EPHB2: variants seen among roughly 807,000 people sequenced by gnomAD.
EPHB2 encodes ephrin type-B receptor 2.
A neutral mutation model predicts 96.4 loss-of-function variants in EPHB2; 18 were observed. The ratio of observed to expected loss-of-function variants is 0.19; its 90% CI spans 0.13 to 0.28. EPHB2 has a LOEUF of 0.28. EPHB2 is among the 10% of genes least tolerant of loss of function. The probability of loss-of-function intolerance (pLI) is 1.00; values close to 1 mark genes in which losing one functional copy is unlikely to be tolerated. For missense variants in EPHB2, 989 were observed against 1,355.4 expected (o/e 0.73, Z 4.25); for synonymous variants, 506 against 534.1 (o/e 0.95, Z 0.72).
chr1:22,725,993 T>G (rs1643572780), intron 1 of EPHB2, among the ~76,000 whole-genome samples: 1 of 152,240 alleles, frequency 6.6e-6, no homozygotes, highest in Non-Finnish European at 1.5e-5. Context: ...CAGACTGATC[T>G]GTTTCTGTTC....
Position 22,913,577 on chromosome 1 carries a change from C to T in EPHB2, c.*7C>T. On this transcript the variant is annotated 3_prime_UTR_variant, in exon 16 of 16. Coordinates refer to ENST00000374630, the MANE Select transcript of EPHB2 (RefSeq NM_017449.5). This position sits in a 1 kb window ranked among gnomAD's most constrained non-coding sequence, Gnocchi z 4.1. ...TCAGTCTGTGGAGGTTTGACATTCA[C>T]CTGCCTCGGCTCACCTCTTCCTCCA... 1 of 1,614,100 alleles carries T rather than the reference C, an allele frequency of 6.2e-7. No individual in the cohort carries two copies.
chr1:22,745,210 A>G (rs1286931506), intron 1 of EPHB2, among the ~76,000 whole-genome samples: 1 of 152,268 alleles, frequency 6.6e-6, no homozygotes, highest in African/African-American at 2.4e-5. Flanking sequence ...AAGAATGAGC[A>G]AATAAATTGT....
intron 3 of EPHB2, among the ~76,000 whole-genome samples, chr1:22,848,491 C>T (rs1260805147): frequency 6.6e-6 from 1 of 152,236 alleles, no homozygotes; most frequent in African/African-American, 2.4e-5. Flanking sequence ...CTCTTACAGC[C>T]TACAATCACA....
chr1:22,883,576 G>A (rs1219760135), intron 6 of EPHB2, among the ~76,000 whole-genome samples: 1 of 152,246 alleles, frequency 6.6e-6, no homozygotes, highest in Non-Finnish European at 1.5e-5. Context: ...ACGGGGAACT[G>A]CAGATGGATG....
intron 1 of EPHB2, among the ~76,000 whole-genome samples, chr1:22,724,729 C>G (rs1310068480): frequency 6.6e-6 from 1 of 152,148 alleles, no homozygotes; most frequent in Non-Finnish European, 1.5e-5. Context: ...CAGCTTCCCA[C>G]CCAGCTGCCG....
chr1:22,812,062 C>T (rs1003289595), intron 3 of EPHB2, among the ~76,000 whole-genome samples: 3 of 152,216 alleles, frequency 2.0e-5, no homozygotes, highest in African/African-American at 7.2e-5. Context: ...AAAACCCCAG[C>T]CACAGCCCTG....
chr1:22,789,537 G>A (rs1644661757), intron 3 of EPHB2, among the ~76,000 whole-genome samples: 1 of 152,170 alleles, frequency 6.6e-6, no homozygotes, highest in Non-Finnish European at 1.5e-5. Context: ...AGGGGCCTGG[G>A]GAAGCCAACC....
intron 5 of EPHB2, among the ~76,000 whole-genome samples, chr1:22,873,279 G>A (rs77869433): frequency 0.02 from 3,100 of 152,262 alleles, 56 homozygotes; most frequent in Middle Eastern, 0.048. Context: ...CACGTTTGGG[G>A]GTTGACTGCT....
At chr1:22,896,008 C>T (rs904049196) in intron 8 of EPHB2, among the ~76,000 whole-genome samples, 8 of 152,178 alleles carry the variant, frequency 5.3e-5, no homozygotes, top group African/African-American at 1.9e-4. Flanking sequence ...TAGGACGGTA[C>T]AAGCAAAGGC....
At chr1:22,856,811 A>C (rs1465148970) in intron 3 of EPHB2, among the ~76,000 whole-genome samples, 1 of 152,204 alleles carries the variant, frequency 6.6e-6, no homozygotes, top group East Asian at 1.9e-4. Context: ...ACCTAATGGA[A>C]TTATTTTTGT....
At position 22,782,287 on chromosome 1, in the gene EPHB2, G is replaced by T. The variant is rs146048883; in HGVS notation, c.126+802G>T. Among the ~76,000 whole-genome samples the T allele has an allele frequency of 5.8e-4, 89 of 152,316 alleles. 2 individuals carry two copies. The highest frequency in any genetic ancestry group is 2.0e-3 in the African/African-American group (85 of 41,554). On this transcript the variant is annotated intron_variant, in intron 2 of 15. Transcript: ENST00000374630. ...AGTGTCTAACACAATGCCTGGCATA[G>T]ATTGGGCTCCCAGTCAAGAGTAGCT...
chr1:22,795,751 A>G (rs1454668707), intron 3 of EPHB2, among the ~76,000 whole-genome samples: 1 of 152,174 alleles, frequency 6.6e-6, no homozygotes, highest in Non-Finnish European at 1.5e-5. Context: ...AGCGTCCCAT[A>G]TACTTTGTCA....
At position 22,906,211 on chromosome 1, in the gene EPHB2, G is replaced by T; in HGVS notation, c.1888+102G>T. On this transcript the variant is annotated intron_variant, in intron 10 of 15. Coordinates refer to ENST00000374630, the MANE Select transcript of EPHB2 (RefSeq NM_017449.5). The surrounding 1 kb of genome is among the most constrained non-coding windows in gnomAD (Gnocchi z 4.8). Reference sequence around the variant, plus strand: ...GCAGAAGGTAGGATGTGGGACAGGCGCCTCAAAGGACCCCCCAAGGCCTGA... The same window carrying T: ...GCAGAAGGTAGGATGTGGGACAGGCTCCTCAAAGGACCCCCCAAGGCCTGA... 6.4e-7 allele frequency: 1 copy of T among 1,564,130 alleles called. No individual in the cohort carries two copies. Among genetic ancestry groups the T allele is most frequent in the Non-Finnish European group, 8.7e-7 (1 of 1,147,954 alleles).
chr1:22,894,180 TC>T (rs1362562020), intron 7 of EPHB2, among the ~76,000 whole-genome samples: 1 of 152,184 alleles, frequency 6.6e-6, no homozygotes, highest in Non-Finnish European at 1.5e-5. Flanking sequence ...TGTCCCAAGA[TC>T]CTTTTATTAA....
At chr1:22,829,150 T>TA (rs1432834144) in intron 3 of EPHB2, among the ~76,000 whole-genome samples, 1 of 152,240 alleles carries the variant, frequency 6.6e-6, no homozygotes, top group Non-Finnish European at 1.5e-5. Context: ...ACTGACTGAC[T>TA]CGTTACTCCT....
chr1:22,891,040 C>G, intron 6 of EPHB2: 1 of 455,882 alleles, frequency 2.2e-6, no homozygotes, highest in South Asian at 1.5e-5. Context: ...TGTGCTTACC[C>G]TATCAGTGTG....
intron 3 of EPHB2, among the ~76,000 whole-genome samples, chr1:22,795,740 C>T (rs982530403): frequency 3.9e-5 from 6 of 152,154 alleles, no homozygotes; most frequent in Non-Finnish European, 5.9e-5. Flanking sequence ...ATGACTTTCT[C>T]AGCGTCCCAT....
intron 3 of EPHB2, among the ~76,000 whole-genome samples, chr1:22,815,870 C>T (rs1457446825): frequency 6.6e-6 from 1 of 152,166 alleles, no homozygotes; most frequent in Non-Finnish European, 1.5e-5. Flanking sequence ...GCTGTCTAAG[C>T]TCCCAGTTTT....
At chr1:22,861,108 A>G (rs1433106616) in intron 3 of EPHB2, among the ~76,000 whole-genome samples, 2 of 152,260 alleles carry the variant, frequency 1.3e-5, no homozygotes, top group Non-Finnish European at 2.9e-5. Context: ...AGGAACTGTT[A>G]CAAGTGTTTT....
Sources: gnomAD v4.1 joint callset for allele counts (sites outside exome capture counted in the v4.1 genomes callset) on GRCh38, gnomAD v4.1.1 for gene constraint, Gnocchi (gnomAD v3.1) non-coding constraint, MANE v1.5 for transcripts, NCBI Gene and HGNC (gene_info 2026-07-23, HGNC 2026-07-21) for gene names.